Variants in ARHGAP18 observed in about 807,000 individuals in gnomAD.
The protein encoded by ARHGAP18 is Rho GTPase activating protein 18, also known as rho GTPase-activating protein 18.
ARHGAP18 carries 67 observed loss-of-function variants against 86.2 expected under a neutral mutation model. That is an observed-to-expected ratio of 0.78 (90% confidence interval 0.64 to 0.95). The LOEUF (loss-of-function observed/expected upper bound fraction) is 0.95, where lower values mean the gene tolerates loss of function less well. Among genes scored for constraint, ARHGAP18 ranks in the 40% least tolerant of loss-of-function variants. The pLI is 0.00. For missense variants in ARHGAP18, 691 were observed against 780.4 expected (o/e 0.89, Z 1.37); for synonymous variants, 283 against 280.4 (o/e 1.01, Z -0.09).
At chr6:129,621,452 G>A (rs947077891) in intron 5 of ARHGAP18, among the ~76,000 whole-genome samples, 7 of 152,042 alleles carry the variant, frequency 4.6e-5, no homozygotes, top group African/African-American at 1.7e-4. Flanking sequence ...TTCCAGCAGG[G>A]GGCAGGATGG....
Position 129,675,338 on chromosome 6 carries a change from C to G in ARHGAP18, c.114-33320G>C, listed in dbSNP as rs192495715. Among the ~76,000 whole-genome samples the G allele has an allele frequency of 2.6e-4, 39 of 149,748 alleles. No individual in the cohort carries two copies. The East Asian group carries it at 7.3e-3, about 28-fold the overall frequency. On this transcript the variant is annotated intron_variant, in intron 1 of 14. Transcript: ENST00000368149. ...GGCAGAGCTTGCAGTGAACCGAGAC[C>G]GCGCCACTGCACTCCAGCCTGGGCA...
At chr6:129,688,593 G>T (rs550640619) in intron 1 of ARHGAP18, among the ~76,000 whole-genome samples, 105 of 152,286 alleles carry the variant, frequency 6.9e-4, no homozygotes, top group African/African-American at 2.5e-3. Flanking sequence ...AGGAGTTCAA[G>T]ACCAGCCTGA....
intron 5 of ARHGAP18, among the ~76,000 whole-genome samples, chr6:129,628,190 T>C (rs1405897733): frequency 6.6e-6 from 1 of 152,146 alleles, no homozygotes; most frequent in Non-Finnish European, 1.5e-5. Context: ...CTAAATACAA[T>C]TTGCTGCTAA....
intron 5 of ARHGAP18, among the ~76,000 whole-genome samples, chr6:129,627,916 T>G (rs1272234289): frequency 6.6e-6 from 1 of 152,134 alleles, no homozygotes; most frequent in Non-Finnish European, 1.5e-5. Flanking sequence ...AATCCCCTCT[T>G]TGTCTTTTAG....
intron 5 of ARHGAP18, among the ~76,000 whole-genome samples, chr6:129,623,001 C>CAAA (rs1562694846): frequency 6.5e-5 from 1 of 15,354 alleles, no homozygotes; most frequent in Non-Finnish European, 1.5e-4. Context: ...AACTCCATCT[C>CAAA]AAAACAAAAA....
At chr6:129,584,847 G>A (rs763453096) in intron 12 of ARHGAP18, among the ~76,000 whole-genome samples, 13 of 152,124 alleles carry the variant, frequency 8.5e-5, no homozygotes, top group South Asian at 2.1e-4. Flanking sequence ...TAAACAGCAC[G>A]CACAAATCAT....
At chr6:129,631,318 T>C (rs576999522) in intron 4 of ARHGAP18, among the ~76,000 whole-genome samples, 6 of 152,146 alleles carry the variant, frequency 3.9e-5, no homozygotes, top group Admixed American at 2.0e-4. Flanking sequence ...CAACGGACTA[T>C]GCCGAATGTA....
Position 129,641,847 on chromosome 6 carries a change from A to G in ARHGAP18, c.285T>C (p.Asp95=), listed in dbSNP as rs1773471536. Residue 95 remains aspartate (D), a synonymous_variant, in exon 2 of 15, where the codon GAT becomes GAC. Transcript: ENST00000368149. ...IKKSSENSQE[D]QEVVVVKEPD... Reference sequence around the variant, plus strand: ...GCTCTTTGACAACAACCACCTCTTGATCTTCTTGGCTGTTTTCACTAGATT... The same window carrying G: ...GCTCTTTGACAACAACCACCTCTTGGTCTTCTTGGCTGTTTTCACTAGATT... The G allele has an allele frequency of 6.2e-7, 1 of 1,613,764 alleles. No homozygotes were observed. Among genetic ancestry groups the G allele is most frequent in the South Asian group, 1.1e-5 (1 of 91,064 alleles).
Position 129,710,088 on chromosome 6 carries a change from G to A in ARHGAP18, c.49C>T (p.Pro17Ser). Residue 17 changes from proline to serine, a missense_variant, in exon 1 of 15, where the codon CCC (proline) becomes TCC (serine). Transcript: ENST00000368149. ...CCGACGGTCTGGTCCTTGCCGCTGG[G>A]GTGGTAGGCTGTTAGTACCACTCCC... ...SQGVVLTAYHPSGKDQTVGNS... is the reference protein window; with the variant it reads ...SQGVVLTAYHSSGKDQTVGNS... The A allele has an allele frequency of 6.2e-7, 1 of 1,614,114 alleles. No homozygotes were observed. Among genetic ancestry groups the A allele is most frequent in the African/African-American group, 1.3e-5 (1 of 75,046 alleles).
chr6:129,666,999 T>TA lies in ARHGAP18; in HGVS notation c.114-24982dup, dbSNP rs11353429. On this transcript the variant is annotated intron_variant, in intron 1 of 14. Coordinates refer to ENST00000368149, the MANE Select transcript of ARHGAP18 (RefSeq NM_033515.3). The stretch of plus-strand genomic sequence containing the variant: ...AATTCATCTACAAATACTCCTTTGT[T>TA]AAAAAAAAATTCAAAGTCTTATATG... Among the ~76,000 whole-genome samples, 1,014 of 151,672 alleles carry TA rather than the reference T, an allele frequency of 6.7e-3. 12 individuals are homozygous for TA. Among genetic ancestry groups the TA allele is most frequent in the African/African-American group, 0.024 (976 of 41,402 alleles).
intron 2 of ARHGAP18, among the ~76,000 whole-genome samples, chr6:129,640,774 T>C (rs1773440938): frequency 6.6e-6 from 1 of 152,192 alleles, no homozygotes; most frequent in Non-Finnish European, 1.5e-5. Context: ...AAAGCACTGA[T>C]TGGGGCTCTC....
chr6:129,659,420 C>CTTT (rs1562714677), intron 1 of ARHGAP18, among the ~76,000 whole-genome samples: 24 of 152,132 alleles, frequency 1.6e-4, no homozygotes, highest in African/African-American at 5.8e-4. Context: ...AACTGTGGAA[C>CTTT]GCAGGTGTAC....
intron 1 of ARHGAP18, among the ~76,000 whole-genome samples, chr6:129,682,925 T>C (rs944747784): frequency 7.2e-5 from 11 of 152,224 alleles, no homozygotes; most frequent in African/African-American, 2.4e-4. Flanking sequence ...TTGATAATAT[T>C]ACTATATTCT....
intron 12 of ARHGAP18, among the ~76,000 whole-genome samples, chr6:129,586,894 A>C (rs1441682956): frequency 1.3e-5 from 2 of 152,016 alleles, no homozygotes; most frequent in Non-Finnish European, 2.9e-5. Flanking sequence ...ACCATTTTCA[A>C]GGCTCAGCTC....
intron 6 of ARHGAP18, 47 bp downstream of exon 6, chr6:129,618,640 C>T (rs767992735): frequency 6.6e-7 from 1 of 1,524,058 alleles, no homozygotes; most frequent in South Asian, 1.3e-5. Context: ...CAAGTCCATC[C>T]TTGCTATTTT....
chr6:129,631,291 C>G lies in ARHGAP18; in HGVS notation c.617-1769G>C, dbSNP rs533882427. On this transcript the variant is annotated intron_variant, in intron 4 of 14. Transcript: ENST00000368149. ...ATGTCAGGGTTACAATAAATACCCCCACACTCACACCCACACCAACGGACT... is the reference window on the plus strand; with the variant it reads ...ATGTCAGGGTTACAATAAATACCCCGACACTCACACCCACACCAACGGACT... Among the ~76,000 whole-genome samples, 8 of 152,170 alleles carry G rather than the reference C, an allele frequency of 5.3e-5. No homozygotes were observed. The East Asian group carries it at 1.5e-3, about 29-fold the overall frequency.
At chr6:129,700,385 G>T (rs950904120) in intron 1 of ARHGAP18, among the ~76,000 whole-genome samples, 2 of 152,114 alleles carry the variant, frequency 1.3e-5, no homozygotes, top group Non-Finnish European at 2.9e-5. Context: ...AGCATTAAAG[G>T]TATTCAAAAC....
In ARHGAP18 at chr6:129,616,273, G is replaced by T; in HGVS notation, c.983C>A (p.Ala328Glu). 1 of 1,609,582 alleles carries T rather than the reference G, an allele frequency of 6.2e-7. No homozygotes were observed. Among genetic ancestry groups the T allele is most frequent in the Non-Finnish European group, 8.5e-7 (1 of 1,177,750 alleles). Residue 328 changes from alanine (A) to glutamate (E), a missense_variant, in exon 7 of 15, where the codon GCG becomes GAG. Transcript: ENST00000368149. ...DSGLFCVPLTALLEQDQRKVP... is the reference protein window; with the variant it reads ...DSGLFCVPLTELLEQDQRKVP... ...TTTCCTCTGATCTTGTTCTAATAGC[G>T]CTGTCAATGGAACGCAAAAAAGACC...
intron 11 of ARHGAP18, among the ~76,000 whole-genome samples, chr6:129,599,932 AAT>A (rs1412837767): frequency 1.3e-5 from 2 of 152,242 alleles, no homozygotes; most frequent in African/African-American, 4.8e-5. Context: ...ATTGAGATTT[AAT>A]AAATGGACAT....
Sources: allele counts gnomAD v4.1 joint callset (sites outside exome capture counted in the v4.1 genomes callset), GRCh38; gene constraint gnomAD v4.1.1; transcripts MANE v1.5; gene names NCBI Gene and HGNC (gene_info 2026-07-23, HGNC 2026-07-21).